The following CTNNA3 variants were observed in gnomAD, a reference collection of about 807,000 sequenced individuals.
The protein encoded by CTNNA3 is catenin alpha 3, also known as catenin alpha-3.
CTNNA3 carries 76 observed loss-of-function variants against 95.7 expected under a neutral mutation model. The ratio of observed to expected loss-of-function variants is 0.79; its 90% CI spans 0.66 to 0.96. The LOEUF is 0.96. CTNNA3 is among the 40% of genes least tolerant of loss of function. CTNNA3 has a pLI of 0.00. For synonymous variants in CTNNA3, 431 were observed against 374.4 expected (o/e 1.15, Z -1.74); for missense variants, 1,191 against 1,089.8 (o/e 1.09, Z -1.31).
At chr10:67,458,168 T>C (rs953745776) in intron 5 of CTNNA3, among the ~76,000 whole-genome samples, 1 of 152,120 alleles carries the variant, frequency 6.6e-6, no homozygotes, top group Non-Finnish European at 1.5e-5. Flanking sequence ...ATCAGAAATC[T>C]TCCTCTAATA....
chr10:66,613,647 A>T (rs1409142429), intron 10 of CTNNA3, among the ~76,000 whole-genome samples: 2 of 152,108 alleles, frequency 1.3e-5, no homozygotes, highest in Non-Finnish European at 2.9e-5. Context: ...TCTTGAGGAT[A>T]CACCACTCAA....
At chr10:66,733,991 T>C (rs946167766) in intron 9 of CTNNA3, among the ~76,000 whole-genome samples, 4 of 151,850 alleles carry the variant, frequency 2.6e-5, no homozygotes, top group Non-Finnish European at 4.4e-5. Flanking sequence ...ATTTTATTTA[T>C]GACATGTTTT....
chr10:66,268,566 G>C (rs952889112), intron 13 of CTNNA3, among the ~76,000 whole-genome samples: 1 of 152,170 alleles, frequency 6.6e-6, no homozygotes. Context: ...TAGAATGTGA[G>C]AGCATGATAC....
chr10:66,441,572 A>G (rs2093375772), intron 11 of CTNNA3, among the ~76,000 whole-genome samples: 1 of 152,222 alleles, frequency 6.6e-6, no homozygotes, highest in South Asian at 2.1e-4. Context: ...AATTCCAGTT[A>G]TTTGTGTGAA....
chr10:66,107,593 A>G (rs907840201), intron 13 of CTNNA3, among the ~76,000 whole-genome samples: 1 of 152,176 alleles, frequency 6.6e-6, no homozygotes, highest in Non-Finnish European at 1.5e-5. Flanking sequence ...TAGTAGTAAT[A>G]CATTAAGACT....
intron 10 of CTNNA3, among the ~76,000 whole-genome samples, chr10:66,528,127 G>A (rs1312672119): frequency 6.6e-6 from 1 of 152,060 alleles, no homozygotes; most frequent in East Asian, 1.9e-4. Flanking sequence ...GGCTGTGTTT[G>A]ATCCTCATTT....
chr10:66,423,136 G>C (rs2093210337), intron 11 of CTNNA3, among the ~76,000 whole-genome samples: 1 of 151,936 alleles, frequency 6.6e-6, no homozygotes, highest in African/African-American at 2.4e-5. Flanking sequence ...TATTCATTAA[G>C]AATGATAATT....
At chr10:66,406,196 A>G (rs1787010783) in intron 11 of CTNNA3, among the ~76,000 whole-genome samples, 3 of 152,214 alleles carry the variant, frequency 2.0e-5, no homozygotes, top group Admixed American at 2.0e-4. Context: ...GCTCCCAAAG[A>G]AGACCCACCT....
intron 7 of CTNNA3, among the ~76,000 whole-genome samples, chr10:67,129,311 T>C (rs375834026): frequency 4.7e-4 from 71 of 152,318 alleles, no homozygotes; most frequent in Admixed American, 9.2e-4. Flanking sequence ...TCATTTCAAA[T>C]GTTACCACTT....
chr10:66,605,999 C>A (rs1196358872), intron 10 of CTNNA3, among the ~76,000 whole-genome samples: 1 of 152,026 alleles, frequency 6.6e-6, no homozygotes, highest in African/African-American at 2.4e-5. Context: ...CAATTAAACA[C>A]AGAGGGGCAA....
At chr10:66,264,447 T>A (rs1742655413) in intron 13 of CTNNA3, among the ~76,000 whole-genome samples, 1 of 152,042 alleles carries the variant, frequency 6.6e-6, no homozygotes, top group African/African-American at 2.4e-5. Flanking sequence ...TATGTAATTT[T>A]TAACTTGCTA....
intron 3 of CTNNA3, among the ~76,000 whole-genome samples, chr10:67,571,974 A>T (rs1841994076): frequency 6.6e-6 from 1 of 152,244 alleles, no homozygotes; most frequent in African/African-American, 2.4e-5. Flanking sequence ...ATACAGATCA[A>T]GTATTTCTGA....
intron 9 of CTNNA3, among the ~76,000 whole-genome samples, chr10:66,713,197 G>A (rs1224535680): frequency 6.6e-6 from 1 of 152,030 alleles, no homozygotes; most frequent in Non-Finnish European, 1.5e-5. Flanking sequence ...CTTCTCAACA[G>A]ACAGAAATGA....
intron 5 of CTNNA3, among the ~76,000 whole-genome samples, chr10:67,363,345 C>A (rs1441042588): frequency 6.6e-6 from 1 of 151,948 alleles, no homozygotes; most frequent in Non-Finnish European, 1.5e-5. Flanking sequence ...AGAGGCATCA[C>A]ACTACATAAA....
Position 66,909,749 on chromosome 10 carries a change from G to A in CTNNA3, c.1048-134225C>T, listed in dbSNP as rs372550365. Among the ~76,000 whole-genome samples, 47 of 152,150 alleles carry A rather than the reference G, an allele frequency of 3.1e-4. No individual in the cohort carries two copies. The East Asian group carries it at 8.1e-3, about 26-fold the overall frequency. ...GTTTCATGCTTAGTACATACTTTCC[G>A]CTTGCACTTATCACATCTTGGGTAA... On this transcript the variant is annotated intron_variant, in intron 7 of 17. Transcript: ENST00000433211.
chr10:66,117,343 A>G (rs2082384327), intron 13 of CTNNA3, among the ~76,000 whole-genome samples: 2 of 152,230 alleles, frequency 1.3e-5, no homozygotes, highest in African/African-American at 2.4e-5. Context: ...GCAAAATACT[A>G]TATTATATAT....
chr10:66,922,783 C>T (rs971208342), intron 7 of CTNNA3, among the ~76,000 whole-genome samples: 3 of 152,054 alleles, frequency 2.0e-5, no homozygotes, highest in African/African-American at 7.2e-5. Context: ...CACATCATTC[C>T]TGTCATATAG....
At chr10:66,694,408 C>T (rs1167409907) in intron 9 of CTNNA3, among the ~76,000 whole-genome samples, 1 of 152,078 alleles carries the variant, frequency 6.6e-6, no homozygotes, top group African/African-American at 2.4e-5. Flanking sequence ...CAAGACGAAA[C>T]CAAGAAGAAG....
chr10:67,546,783 C>T (rs1028233634), intron 3 of CTNNA3, among the ~76,000 whole-genome samples: 8 of 152,076 alleles, frequency 5.3e-5, no homozygotes, highest in African/African-American at 1.9e-4. Flanking sequence ...AACCTTATAA[C>T]TAAGATTTCC....
Sources: gnomAD v4.1 joint callset for allele counts (sites outside exome capture counted in the v4.1 genomes callset) on GRCh38, gnomAD v4.1.1 for gene constraint, MANE v1.5 for transcripts, NCBI Gene and HGNC (gene_info 2026-07-23, HGNC 2026-07-21) for gene names.